GRIA4: variants seen among roughly 807,000 people sequenced by gnomAD.
The protein encoded by GRIA4 is glutamate ionotropic receptor AMPA type subunit 4, also known as glutamate receptor 4.
In GRIA4, 34 loss-of-function variants were observed where a neutral mutation model predicts 104.0. The ratio of observed to expected loss-of-function variants is 0.33; its 90% CI spans 0.25 to 0.44. The LOEUF (loss-of-function observed/expected upper bound fraction) is 0.44, where lower values mean the gene tolerates loss of function less well. Among genes scored for constraint, GRIA4 ranks in the 20% least tolerant of loss-of-function variants. GRIA4 has a pLI of 1.00. For missense variants in GRIA4, 750 were observed against 1,096.5 expected, an observed-to-expected ratio of 0.68 and a Z score of 4.46; for synonymous variants, 386 against 381.9, an observed-to-expected ratio of 1.01 and a Z score of -0.13.
chr11:105,802,846 G>C (rs555137501), intron 4 of GRIA4, among the ~76,000 whole-genome samples: 1 of 150,852 alleles, frequency 6.6e-6, no homozygotes. Context: ...TTTACATTAG[G>C]TTTATTTCAC....
At chr11:105,853,890 C>T (rs1018329491) in intron 4 of GRIA4, among the ~76,000 whole-genome samples, 3 of 152,132 alleles carry the variant, frequency 2.0e-5, no homozygotes, top group Admixed American at 6.6e-5. Flanking sequence ...TTCCACTCTT[C>T]GGATGCATCA....
chr11:105,725,521 G>T (rs1035822057), intron 3 of GRIA4, among the ~76,000 whole-genome samples: 1 of 152,098 alleles, frequency 6.6e-6, no homozygotes, highest in South Asian at 2.1e-4. Flanking sequence ...CTCATCATGT[G>T]TCGAAACCAC....
At chr11:105,734,923 G>A (rs1222158559) in intron 3 of GRIA4, among the ~76,000 whole-genome samples, 1 of 152,106 alleles carries the variant, frequency 6.6e-6, no homozygotes, top group African/African-American at 2.4e-5. Flanking sequence ...CCAGCACCTG[G>A]CAGTGTCTAA....
intron 3 of GRIA4, among the ~76,000 whole-genome samples, chr11:105,736,340 G>A (rs1280629006): frequency 1.3e-5 from 2 of 152,260 alleles, no homozygotes; most frequent in Admixed American, 6.5e-5. Context: ...AGGCGGATAT[G>A]AGAGCCATAT....
chr11:105,641,541 G>C (rs1951359600), intron 3 of GRIA4, among the ~76,000 whole-genome samples: 2 of 152,160 alleles, frequency 1.3e-5, no homozygotes, highest in South Asian at 4.1e-4. Flanking sequence ...AAGAATCCTT[G>C]AATACATCAA....
At chr11:105,750,203 A>T (rs936769319) in intron 3 of GRIA4, among the ~76,000 whole-genome samples, 2 of 152,186 alleles carry the variant, frequency 1.3e-5, no homozygotes, top group East Asian at 3.8e-4. Context: ...AATTTGAATC[A>T]CTGGACCAAA....
intron 3 of GRIA4, among the ~76,000 whole-genome samples, chr11:105,661,722 T>C (rs760598773): frequency 6.6e-6 from 1 of 151,658 alleles, no homozygotes; most frequent in Non-Finnish European, 1.5e-5. Context: ...AGCAGCATGG[T>C]AAATTCTTGG....
At chr11:105,668,315 T>C (rs1952242169) in intron 3 of GRIA4, among the ~76,000 whole-genome samples, 1 of 147,666 alleles carries the variant, frequency 6.8e-6, no homozygotes, top group Non-Finnish European at 1.5e-5. Flanking sequence ...ATAGACATAA[T>C]AGAATATTAT....
chr11:105,775,020 G>A (rs1941388989), intron 4 of GRIA4, among the ~76,000 whole-genome samples: 1 of 152,106 alleles, frequency 6.6e-6, no homozygotes, highest in Non-Finnish European at 1.5e-5. Flanking sequence ...TCCTTCTGGA[G>A]GCTCTAGAGT....
chr11:105,761,246 T>C (rs954871967), intron 4 of GRIA4, among the ~76,000 whole-genome samples: 1 of 152,158 alleles, frequency 6.6e-6, no homozygotes, highest in Non-Finnish European at 1.5e-5. Context: ...ATGCTTTTTG[T>C]ATTGAGGTCT....
chr11:105,898,219 G>A lies in GRIA4; in HGVS notation c.727-50G>A, dbSNP rs372846578. The A allele has an allele frequency of 5.2e-5, 47 of 907,492 alleles. No homozygotes were observed. In the African/African-American group the frequency reaches 6.7e-4, roughly 13 times the overall value. The allele number at this position is 907,492 out of a possible 1,614,324, so 56.2% of individuals were successfully genotyped here. A position where few individuals can be genotyped will look rare whatever the true frequency, so the allele number is the denominator to read the frequency against. Reference sequence around the variant, plus strand: ...TAATTTATGTTACTATTGAAGAGCTGCCATGTATAATAAACTAAATTTAAC... The same window carrying A: ...TAATTTATGTTACTATTGAAGAGCTACCATGTATAATAAACTAAATTTAAC... On this transcript the variant is annotated intron_variant, in intron 6 of 16. Transcript: ENST00000282499.
chr11:105,898,265 A>G lies in GRIA4; in HGVS notation c.727-4A>G, dbSNP rs1946727803. On this transcript the variant is annotated splice_region_variant and splice_polypyrimidine_tract_variant and intron_variant, in intron 6 of 16. Coordinates refer to ENST00000282499, the MANE Select transcript of GRIA4 (RefSeq NM_000829.4). Reference sequence around the variant, plus strand: ...TTAACAATCTTTTGTATTAATTTTTATAGGGATTCAAGGATATTTCTCTTG... The same window carrying G: ...TTAACAATCTTTTGTATTAATTTTTGTAGGGATTCAAGGATATTTCTCTTG... 6.9e-7 allele frequency: 1 copy of G among 1,448,524 alleles called. No homozygotes were observed. The highest frequency in any genetic ancestry group is 1.8e-4 in the Middle Eastern group (1 of 5,714). The allele number at this position is 1,448,524 out of a possible 1,614,324, so 89.7% of individuals were successfully genotyped here.
intron 13 of GRIA4, among the ~76,000 whole-genome samples, chr11:105,928,362 T>C (rs1295382291): frequency 6.6e-6 from 1 of 152,022 alleles, no homozygotes; most frequent in Admixed American, 6.6e-5. Flanking sequence ...TTCTTAAAAC[T>C]GTAAGTAATA....
At chr11:105,863,282 AAAAC>A (rs1565297922) in intron 5 of GRIA4, among the ~76,000 whole-genome samples, 3 of 152,260 alleles carry the variant, frequency 2.0e-5, no homozygotes, top group African/African-American at 7.2e-5. Context: ...AAAGTAAAAG[AAAAC>A]AAACAAACAA....
chr11:105,796,549 G>A (rs1253237819), intron 4 of GRIA4, among the ~76,000 whole-genome samples: 1 of 152,126 alleles, frequency 6.6e-6, no homozygotes, highest in Admixed American at 6.5e-5. Context: ...CTTTTGTGTA[G>A]GATGATTGCC....
intron 3 of GRIA4, among the ~76,000 whole-genome samples, chr11:105,702,487 G>T (rs1216116916): frequency 6.6e-6 from 1 of 151,170 alleles, no homozygotes; most frequent in Admixed American, 6.6e-5. Flanking sequence ...CCAAAGAATA[G>T]GAAATATCTA....
chr11:105,926,793 A>G lies in GRIA4; in HGVS notation c.1900A>G (p.Ile634Val). ...TGTTTGGTGGTTCTTTACACTCATCATTATATCATCTTATACTGCTAACCT... is the reference window on the plus strand; with the variant it reads ...TGTTTGGTGGTTCTTTACACTCATCGTTATATCATCTTATACTGCTAACCT... Reference protein sequence around the residue: ...GGVWWFFTLIIISSYTANLAA... With the variant: ...GGVWWFFTLIVISSYTANLAA... Residue 634 changes from isoleucine (I) to valine (V), a missense_variant, in exon 13 of 17, where the codon ATT becomes GTT. Around this residue, in one of 3 missense-constraint regions of GRIA4, gnomAD observed 272 missense variants for 524.5 expected, o/e 0.52. Coordinates refer to ENST00000282499, the MANE Select transcript of GRIA4 (RefSeq NM_000829.4). The G allele has an allele frequency of 2.5e-6, 4 of 1,611,110 alleles. No homozygotes were observed. Among genetic ancestry groups the G allele is most frequent in the Non-Finnish European group, 3.4e-6 (4 of 1,177,544 alleles).
At chr11:105,616,679 C>T (rs1950609363) in intron 3 of GRIA4, among the ~76,000 whole-genome samples, 1 of 151,590 alleles carries the variant, frequency 6.6e-6, no homozygotes, top group Non-Finnish European at 1.5e-5. Flanking sequence ...CTTAAACATG[C>T]TAAAGATAAA....
intron 4 of GRIA4, among the ~76,000 whole-genome samples, chr11:105,823,602 A>G (rs895197588): frequency 1.3e-5 from 2 of 152,070 alleles, no homozygotes; most frequent in African/African-American, 4.8e-5. Flanking sequence ...AACATAATAA[A>G]TAAATCTAAA....
Sources: allele counts gnomAD v4.1 joint callset (sites outside exome capture counted in the v4.1 genomes callset), GRCh38; gene constraint gnomAD v4.1.1; regional missense constraint gnomAD v4.1.1; transcripts MANE v1.5; gene names NCBI Gene and HGNC (gene_info 2026-07-23, HGNC 2026-07-21).